Variants in AKAP19 observed in about 807,000 individuals in gnomAD.
AKAP19 encodes the protein small A-kinase anchoring protein.
chr2:190,133,702 T>C, the AKAP19 span, among the ~76,000 whole-genome samples: 1 of 152,158 alleles, frequency 6.6e-6, no homozygotes, highest in African/African-American at 2.4e-5. Flanking sequence ...TGGATAAACC[T>C]TGAAGATATT....
At chr2:189,950,988 GT>G in the AKAP19 span, among the ~76,000 whole-genome samples, 1 of 151,934 alleles carries the variant, frequency 6.6e-6, no homozygotes. Context: ...TGGGGTGGGG[GT>G]AGTAGCAGAA....
the AKAP19 span, among the ~76,000 whole-genome samples, chr2:190,076,041 G>A: frequency 5.3e-5 from 8 of 151,938 alleles, no homozygotes; most frequent in African/African-American, 1.9e-4. Context: ...GTGTGTGATT[G>A]CCATCATACA....
the AKAP19 span, among the ~76,000 whole-genome samples, chr2:190,070,450 A>T: frequency 1.3e-5 from 2 of 151,932 alleles, no homozygotes; most frequent in East Asian, 1.9e-4. Context: ...ATAGTTTAAA[A>T]AAAAAAAAAA....
chr2:189,960,092 C>G, the AKAP19 span, among the ~76,000 whole-genome samples: 4 of 152,084 alleles, frequency 2.6e-5, no homozygotes, highest in African/African-American at 4.8e-5. Context: ...CCAAACTGAT[C>G]TTACATTAAT....
chr2:190,144,840 G>T, the AKAP19 span, among the ~76,000 whole-genome samples: 1 of 152,068 alleles, frequency 6.6e-6, no homozygotes, highest in Non-Finnish European at 1.5e-5. Flanking sequence ...AGCCAGGCAC[G>T]GTGGCACACC....
the AKAP19 span, among the ~76,000 whole-genome samples, chr2:190,064,100 G>A: frequency 1.3e-5 from 2 of 151,590 alleles, no homozygotes; most frequent in Admixed American, 6.6e-5. Flanking sequence ...TTACTGCCTC[G>A]GTGCACTAAA....
At chr2:190,149,228 G>GC in the AKAP19 span, among the ~76,000 whole-genome samples, 9 of 152,120 alleles carry the variant, frequency 5.9e-5, no homozygotes, top group Non-Finnish European at 1.3e-4. Context: ...CTCCCAAAGT[G>GC]CTGGGATTAC....
At chr2:190,007,289 TTGAG>T in the AKAP19 span, among the ~76,000 whole-genome samples, 34 of 152,342 alleles carry the variant, frequency 2.2e-4, no homozygotes, top group African/African-American at 7.5e-4. Context: ...TGTCCAAAAA[TTGAG>T]TGGGAACTCA....
the AKAP19 span, among the ~76,000 whole-genome samples, chr2:190,001,914 C>T: frequency 0.014 from 2,106 of 152,316 alleles, 38 homozygotes; most frequent in African/African-American, 0.048. Context: ...CACGTAGAGT[C>T]AAGCCATTGG....
the AKAP19 span, among the ~76,000 whole-genome samples, chr2:190,004,565 T>A: frequency 6.6e-6 from 1 of 151,146 alleles, no homozygotes; most frequent in African/African-American, 2.4e-5. Context: ...AACAAATATT[T>A]TTCTTATAAA....
chr2:189,893,996 A>C, the AKAP19 span, among the ~76,000 whole-genome samples: 2 of 152,180 alleles, frequency 1.3e-5, no homozygotes, highest in Non-Finnish European at 2.9e-5. Context: ...ATCTATCTGC[A>C]TACATTATAG....
At chr2:190,063,327 T>C in the AKAP19 span, among the ~76,000 whole-genome samples, 2 of 152,148 alleles carry the variant, frequency 1.3e-5, no homozygotes, top group African/African-American at 2.4e-5. Context: ...TTATAACATA[T>C]TGTGCATGGA....
the AKAP19 span, among the ~76,000 whole-genome samples, chr2:189,992,007 G>A: frequency 6.6e-6 from 1 of 151,292 alleles, no homozygotes. Context: ...AATTGGCTGA[G>A]TCTATAAAAA....
At chr2:190,199,611 G>C in the AKAP19 span, 25 of 744,590 alleles carry the variant, frequency 3.4e-5, no homozygotes, top group East Asian at 1.4e-4. Flanking sequence ...TGTGACCAAA[G>C]TGATGAAAGG....
chr2:189,974,354 T>C, the AKAP19 span, among the ~76,000 whole-genome samples: 1 of 152,238 alleles, frequency 6.6e-6, no homozygotes. Context: ...CAGTTTGTTA[T>C]AATTTCTGTT....
the AKAP19 span, chr2:190,057,177 G>T: frequency 2.7e-6 from 4 of 1,486,880 alleles, no homozygotes; most frequent in Non-Finnish European, 3.7e-6. Context: ...TATAGCCTGT[G>T]GTACTTAATT....
chr2:189,931,183 TATGGTGGTTTGTGAA>T, the AKAP19 span, among the ~76,000 whole-genome samples: 106,600 of 151,694 alleles, frequency 0.7, 42,215 homozygotes, highest in Non-Finnish European at 0.88. Context: ...TTGAAACAGT[TATGGTGGTTTGTGAA>T]ATGGTGGTTT....
the AKAP19 span, among the ~76,000 whole-genome samples, chr2:189,882,979 G>A: frequency 1.5e-3 from 226 of 151,992 alleles, 2 homozygotes; most frequent in African/African-American, 5.2e-3. Context: ...ACTGCTCTCA[G>A]AGGTTTTCTC....
the AKAP19 span, among the ~76,000 whole-genome samples, chr2:190,142,567 C>T: frequency 6.6e-6 from 1 of 152,216 alleles, no homozygotes; most frequent in African/African-American, 2.4e-5. Flanking sequence ...CTTCTCTGGA[C>T]CAGAGGCTTC....
Sources: gnomAD v4.1 joint callset for allele counts (sites outside exome capture counted in the v4.1 genomes callset) on GRCh38, gnomAD v4.1.1 for gene constraint, MANE v1.5 for transcripts, NCBI Gene and HGNC (gene_info 2026-07-23, HGNC 2026-07-21) for gene names.